Variants in AFF3 observed in about 807,000 individuals in gnomAD.
The protein encoded by AFF3 is AF4/FMR2 family member 3.
In AFF3, 32 loss-of-function variants were observed where a neutral mutation model predicts 129.7. The observed-to-expected ratio is 0.25, with a 90% CI of 0.19 to 0.33. AFF3 has a LOEUF of 0.33. AFF3 is among the 10% of genes least tolerant of loss of function. The pLI is 1.00. For missense variants in AFF3, 1,373 were observed against 1,592.0 expected (o/e 0.86, Z 2.34); for synonymous variants, 644 against 635.4 (o/e 1.01, Z -0.20).
chr2:99,808,927 T>C (rs1460687114), intron 8 of AFF3, among the ~76,000 whole-genome samples: 2 of 152,250 alleles, frequency 1.3e-5, no homozygotes, highest in South Asian at 2.1e-4. Context: ...ACTTAATGAC[T>C]ACTCAGTGAG....
intron 7 of AFF3, among the ~76,000 whole-genome samples, chr2:100,005,404 A>G (rs1681876775): frequency 6.6e-6 from 1 of 152,236 alleles, no homozygotes; most frequent in Non-Finnish European, 1.5e-5. Flanking sequence ...GGTGGTTGTA[A>G]AAGTCAGTCA....
At position 99,601,569 on chromosome 2, in the gene AFF3, T is replaced by C. The variant is rs138169698; in HGVS notation, c.1237A>G (p.Ser413Gly). Residue 413 changes from serine to glycine, a missense_variant, in exon 14 of 25, where the codon AGC becomes GGC. Around this residue, in one of 9 missense-constraint regions of AFF3, gnomAD observed 413 missense variants for 424.4 expected, o/e 0.97. Transcript: ENST00000672756. ...CRTSVPSSKG[S>G]SSSSSSGSSS... ...CTGCCGCTGCTGCTGCTGCTGCTGC[T>C]GCCCTTGCTGGAAGGCACCGAGGTT... 8 of 1,599,468 alleles carry C rather than the reference T, an allele frequency of 5.0e-6. No individual in the cohort carries two copies. Among genetic ancestry groups the C allele is most frequent in the Admixed American group, 3.5e-5 (2 of 57,800 alleles).
At chr2:100,078,448 C>T (rs1023535047) in intron 4 of AFF3, among the ~76,000 whole-genome samples, 1 of 152,222 alleles carries the variant, frequency 6.6e-6, no homozygotes, top group East Asian at 1.9e-4. Context: ...TTATTTCAAT[C>T]CTTTCAGAGA....
intron 8 of AFF3, among the ~76,000 whole-genome samples, chr2:99,777,385 C>T (rs967136849): frequency 6.6e-6 from 1 of 152,138 alleles, no homozygotes; most frequent in African/African-American, 2.4e-5. Context: ...CAGTTGATAC[C>T]ACAGTGGCTG....
intron 18 of AFF3, among the ~76,000 whole-genome samples, chr2:99,570,734 A>G (rs918830380): frequency 3.3e-5 from 5 of 152,108 alleles, no homozygotes; most frequent in African/African-American, 1.2e-4. Context: ...CATATTGCTT[A>G]CTCACGAAGG....
At position 100,057,152 on chromosome 2, in the gene AFF3, C is replaced by T. The variant is rs367771764; in HGVS notation, c.53+47250G>A. Among the ~76,000 whole-genome samples the T allele has an allele frequency of 3.3e-5, 5 of 152,068 alleles. No homozygotes were observed. In the East Asian group the frequency reaches 5.8e-4, roughly 18 times the overall value. ...CGTGGCCAACACGGTGAAACTCTGT[C>T]TCAACCAAAAATACAAAAATTAGCC... On this transcript the variant is annotated intron_variant, in intron 4 of 24. Coordinates refer to ENST00000672756, the MANE Select transcript of AFF3 (RefSeq NM_001386135.1).
intron 11 of AFF3, chr2:99,707,587 T>C (rs760707481): frequency 6.1e-6 from 6 of 985,210 alleles, no homozygotes; most frequent in Non-Finnish European, 7.2e-6. Flanking sequence ...CCCTTGCAAT[T>C]AATAAACAAG....
chr2:99,551,840 C>A lies in AFF3; in HGVS notation c.3560-245G>T, dbSNP rs751838182. ...CTCAAATGAATAGTATTTGCTTAGCCAAATAGCAAAGAAAATCCATATCCT... is the reference window on the plus strand; with the variant it reads ...CTCAAATGAATAGTATTTGCTTAGCAAAATAGCAAAGAAAATCCATATCCT... On this transcript the variant is annotated intron_variant, in intron 24 of 24. Transcript: ENST00000672756. Among the ~76,000 whole-genome samples, 56 of 152,252 alleles carry A rather than the reference C, an allele frequency of 3.7e-4. No individual in the cohort carries two copies. The South Asian group carries it at 4.4e-3, about 12-fold the overall frequency.
At chr2:99,568,827 G>T (rs755942603) in intron 19 of AFF3, 25 bp downstream of exon 19, 4 of 1,609,314 alleles carry the variant, frequency 2.5e-6, no homozygotes, top group Non-Finnish European at 3.4e-6. Flanking sequence ...TTGGAAGAAC[G>T]TATCTGGAAA....
intron 4 of AFF3, among the ~76,000 whole-genome samples, chr2:100,073,296 G>A (rs1688342794): frequency 6.6e-6 from 1 of 152,250 alleles, no homozygotes; most frequent in Admixed American, 6.5e-5. Flanking sequence ...GTGGACACAG[G>A]CATGCACACA....
At chr2:99,800,106 A>G (rs564679883) in intron 8 of AFF3, among the ~76,000 whole-genome samples, 1 of 152,318 alleles carries the variant, frequency 6.6e-6, no homozygotes, top group South Asian at 2.1e-4. Flanking sequence ...TTTTTAACAA[A>G]GTTTGAAAGA....
intron 7 of AFF3, among the ~76,000 whole-genome samples, chr2:99,959,651 A>G (rs981123906): frequency 5.3e-5 from 8 of 150,462 alleles, no homozygotes; most frequent in African/African-American, 1.7e-4. Context: ...CAGATTGCCG[A>G]GTTGAATGGA....
chr2:99,736,032 T>A (rs1458407870), intron 10 of AFF3, among the ~76,000 whole-genome samples: 1 of 152,228 alleles, frequency 6.6e-6, no homozygotes, highest in African/African-American at 2.4e-5. Context: ...TTTTAAAATC[T>A]GTTGAAACTT....
intron 7 of AFF3, among the ~76,000 whole-genome samples, chr2:99,970,211 C>T (rs1678219935): frequency 6.6e-6 from 1 of 152,108 alleles, no homozygotes; most frequent in Non-Finnish European, 1.5e-5. Context: ...GTCCGTGTAC[C>T]GTCCTGAAGG....
At chr2:99,917,256 AGAG>A (rs1409520716) in intron 7 of AFF3, among the ~76,000 whole-genome samples, 3 of 152,194 alleles carry the variant, frequency 2.0e-5, no homozygotes, top group Non-Finnish European at 2.9e-5. Flanking sequence ...GTGTCGGGGA[AGAG>A]GAGAAGACCT....
chr2:99,546,040 A>G lies in AFF3; in HGVS notation c.*5434T>C, dbSNP rs1209618575. 4.4e-6 allele frequency: 1 copy of G among 226,030 alleles called. No homozygotes were observed. The highest frequency in any genetic ancestry group is 8.8e-6 in the Non-Finnish European group (1 of 113,732). The allele number at this position is 226,030 out of a possible 1,614,324, so 14.0% of individuals were successfully genotyped here. A position where few individuals can be genotyped will look rare whatever the true frequency, so the allele number is the denominator to read the frequency against. On this transcript the variant is annotated 3_prime_UTR_variant, in exon 25 of 25. Coordinates refer to ENST00000672756, the MANE Select transcript of AFF3 (RefSeq NM_001386135.1). ...AAACTGTGCTCTTCTGAGAATGGGA[A>G]AATGAGGACATAAACTCTGGTTCCA... is the stretch of plus-strand genomic sequence containing the variant.
chr2:99,722,036 A>G (rs1440718879), intron 11 of AFF3, among the ~76,000 whole-genome samples: 1 of 151,818 alleles, frequency 6.6e-6, no homozygotes, highest in Admixed American at 6.6e-5. Flanking sequence ...TTATTTTTTC[A>G]TTTCTATGCT....
chr2:99,766,899 AAG>A (rs1394683466), intron 8 of AFF3, among the ~76,000 whole-genome samples: 3 of 152,254 alleles, frequency 2.0e-5, no homozygotes, highest in Non-Finnish European at 4.4e-5. Context: ...ATGATCTCAC[AAG>A]AGTCTCTATG....
At chr2:99,686,291 A>C (rs901056318) in intron 11 of AFF3, among the ~76,000 whole-genome samples, 1 of 152,202 alleles carries the variant, frequency 6.6e-6, no homozygotes, top group Non-Finnish European at 1.5e-5. Flanking sequence ...AAAATGACAG[A>C]AAGTCAACTG....
Sources: gnomAD v4.1 joint callset for allele counts (sites outside exome capture counted in the v4.1 genomes callset) on GRCh38, gnomAD v4.1.1 for gene constraint, gnomAD v4.1.1 regional missense constraint, MANE v1.5 for transcripts, NCBI Gene and HGNC (gene_info 2026-07-23, HGNC 2026-07-21) for gene names.